AUTS2: variants seen among roughly 807,000 people sequenced by gnomAD.
AUTS2 encodes autism susceptibility gene 2 protein.
In AUTS2, 17 loss-of-function variants were observed where a neutral mutation model predicts 112.4. The ratio of observed to expected loss-of-function variants is 0.15; its 90% confidence interval spans 0.10 to 0.23. The LOEUF is 0.23. Ranked by LOEUF, AUTS2 falls within the 10% of genes least tolerant of loss-of-function variation. AUTS2 has a pLI of 1.00. For synonymous variants in AUTS2, 751 were observed against 702.7 expected (o/e 1.07, Z -1.09); for missense variants, 1,510 against 1,701.6 (o/e 0.89, Z 1.98).
intron 1 of AUTS2, among the ~76,000 whole-genome samples, chr7:69,687,232 T>G (rs1584071823): frequency 6.6e-6 from 1 of 152,192 alleles, no homozygotes; most frequent in Non-Finnish European, 1.5e-5. Flanking sequence ...AAAATTAAAG[T>G]AAGTAATTTA....
chr7:70,040,992 A>C (rs1420900093), intron 2 of AUTS2, among the ~76,000 whole-genome samples: 1 of 152,216 alleles, frequency 6.6e-6, no homozygotes. Flanking sequence ...TCTTTAACAC[A>C]TCCATTTTCT....
At chr7:69,675,375 C>G (rs1323874772) in intron 1 of AUTS2, among the ~76,000 whole-genome samples, 3 of 152,040 alleles carry the variant, frequency 2.0e-5, no homozygotes, top group Non-Finnish European at 4.4e-5. Flanking sequence ...GTCTCCAGGA[C>G]TAGTGAAACT....
At position 70,239,313 on chromosome 7, in the gene AUTS2, A is replaced by G. The variant is rs549307991; in HGVS notation, c.660+104742A>G. ...GGCCCATCATATGTCTTTTGAGAAG[A>G]TGATTTTTCAGTTCTTTTCTTTAGT... is the stretch of plus-strand genomic sequence containing the variant. On this transcript the variant is annotated intron_variant, in intron 4 of 18. Coordinates refer to ENST00000342771, the MANE Select transcript of AUTS2 (RefSeq NM_015570.4). Among the ~76,000 whole-genome samples, 6 of 152,284 alleles carry G rather than the reference A, an allele frequency of 3.9e-5. 1 individual carries two copies. The South Asian group carries it at 1.2e-3, about 32-fold the overall frequency.
rs56820595 is a variant in AUTS2 at position 70,435,646 on chromosome 7, T to C, written c.661-106T>C. 282 of 1,110,720 alleles carry C rather than the reference T, an allele frequency of 2.5e-4. No individual in the cohort carries two copies. In the African/African-American group the frequency reaches 4.1e-3, roughly 16 times the overall value. 68.8% of individuals were successfully genotyped at this position (1,110,720 alleles called of 1,614,324 possible). On this transcript the variant is annotated intron_variant, in intron 4 of 18. Transcript: ENST00000342771. The stretch of plus-strand genomic sequence containing the variant: ...GGAAGACAGCATTTTTTATTTCCTT[T>C]ACTTATCTTGCACTTTTTTTGTATG...
At chr7:69,928,130 C>G (rs571033705) in intron 2 of AUTS2, among the ~76,000 whole-genome samples, 2 of 152,258 alleles carry the variant, frequency 1.3e-5, no homozygotes, top group East Asian at 3.9e-4. Context: ...GTGAGTAGCT[C>G]CTATCTGCAG....
At chr7:69,949,076 G>C (rs1263398266) in intron 2 of AUTS2, among the ~76,000 whole-genome samples, 1 of 152,052 alleles carries the variant, frequency 6.6e-6, no homozygotes, top group Non-Finnish European at 1.5e-5. Flanking sequence ...CAAAATGCTA[G>C]AATTACAGAC....
chr7:69,917,289 C>CTTTTTTTTTT (rs11313164), intron 2 of AUTS2, among the ~76,000 whole-genome samples: 3 of 133,298 alleles, frequency 2.3e-5, no homozygotes, highest in Non-Finnish European at 1.6e-5. Flanking sequence ...CTTTTTTTTT[C>CTTTTTTTTTT]TTTTTTTTTT....
At chr7:70,057,768 T>A (rs952748538) in intron 2 of AUTS2, among the ~76,000 whole-genome samples, 1 of 152,194 alleles carries the variant, frequency 6.6e-6, no homozygotes, top group African/African-American at 2.4e-5. Context: ...AATGCCATGT[T>A]ATAAAATGCC....
In AUTS2 at chr7:69,917,289, C is replaced by CT. The variant is rs11313164; in HGVS notation, c.522+17806dup. On this transcript the variant is annotated intron_variant, in intron 2 of 18. Transcript: ENST00000342771. Reference sequence around the variant, plus strand: ...CTTTCAGAGCATTCCCTTTTTTTTTCTTTTTTTTTTTTTTTGGTGCTTCCT... The same window carrying CT: ...CTTTCAGAGCATTCCCTTTTTTTTTCTTTTTTTTTTTTTTTTGGTGCTTCCT... 3.6e-3 allele frequency among the ~76,000 whole-genome samples: 479 copies of CT among 133,260 alleles called. 2 individuals are homozygous for CT. Among genetic ancestry groups the CT allele is most frequent in the East Asian group, 0.015 (71 of 4,610 alleles). The allele number at this position is 133,260 out of a possible 152,430, so 87.4% of individuals were successfully genotyped here.
intron 2 of AUTS2, among the ~76,000 whole-genome samples, chr7:70,061,238 AAGTGAAATCATGTCTGTGAAGTCCCT>A (rs1196714594): frequency 6.6e-6 from 1 of 152,180 alleles, no homozygotes; most frequent in African/African-American, 2.4e-5. Flanking sequence ...GTGTGATGCA[AAGTGAAATCATGTCTGTGAAGTCCCT>A]AGTAGCCTGC....
intron 4 of AUTS2, among the ~76,000 whole-genome samples, chr7:70,284,163 G>A (rs369749972): frequency 4.5e-4 from 69 of 152,232 alleles, no homozygotes; most frequent in African/African-American, 1.6e-3. Flanking sequence ...AAATTATGGC[G>A]ATTTTTCCAC....
intron 2 of AUTS2, among the ~76,000 whole-genome samples, chr7:70,002,384 A>G (rs1799238732): frequency 6.6e-6 from 1 of 152,106 alleles, no homozygotes; most frequent in South Asian, 2.1e-4. Context: ...CACTCTAGAG[A>G]TGACTTTCTA....
At position 70,247,696 on chromosome 7, in the gene AUTS2, A is replaced by T. The variant is rs538200538; in HGVS notation, c.660+113125A>T. Among the ~76,000 whole-genome samples the T allele has an allele frequency of 2.0e-5, 3 of 152,244 alleles. No homozygotes were observed. In the East Asian group the frequency reaches 5.8e-4, roughly 29 times the overall value. On this transcript the variant is annotated intron_variant, in intron 4 of 18. Coordinates refer to ENST00000342771, the MANE Select transcript of AUTS2 (RefSeq NM_015570.4). ...TTTCTGTATATGCAGTAATGTCATA[A>T]TGAGCATTTTGTTTCATCTTTTCCA...
At chr7:70,034,534 T>A (rs1162850141) in intron 2 of AUTS2, among the ~76,000 whole-genome samples, 1 of 152,244 alleles carries the variant, frequency 6.6e-6, no homozygotes, top group Non-Finnish European at 1.5e-5. Flanking sequence ...AACATTATGA[T>A]TGCAATAAGA....
At chr7:70,060,143 T>C (rs181806769) in intron 2 of AUTS2, among the ~76,000 whole-genome samples, 1 of 152,328 alleles carries the variant, frequency 6.6e-6, no homozygotes, top group East Asian at 1.9e-4. Context: ...TTAGGGACCA[T>C]AGGTTTTAAT....
At chr7:70,213,103 C>G (rs961971545) in intron 4 of AUTS2, among the ~76,000 whole-genome samples, 15 of 151,832 alleles carry the variant, frequency 9.9e-5, no homozygotes, top group Non-Finnish European at 2.9e-5. Flanking sequence ...TTTGATCTTC[C>G]CACATTATAT....
At chr7:70,259,417 T>C (rs1787051273) in intron 4 of AUTS2, among the ~76,000 whole-genome samples, 1 of 152,156 alleles carries the variant, frequency 6.6e-6, no homozygotes, top group South Asian at 2.1e-4. Flanking sequence ...GGAGTGCAGC[T>C]AAACTGACAA....
At chr7:69,915,318 T>A (rs567159269) in intron 2 of AUTS2, among the ~76,000 whole-genome samples, 1 of 152,342 alleles carries the variant, frequency 6.6e-6, no homozygotes, top group African/African-American at 2.4e-5. Context: ...CATCGGCAAA[T>A]GTTGGAAATA....
intron 1 of AUTS2, among the ~76,000 whole-genome samples, chr7:69,880,193 C>T (rs1217164821): frequency 6.6e-6 from 1 of 152,084 alleles, no homozygotes; most frequent in East Asian, 1.9e-4. Context: ...GTGCCACACA[C>T]TTTTAAACAA....
Sources: gnomAD v4.1 joint callset for allele counts (sites outside exome capture counted in the v4.1 genomes callset) on GRCh38, gnomAD v4.1.1 for gene constraint, MANE v1.5 for transcripts, NCBI Gene and HGNC (gene_info 2026-07-23, HGNC 2026-07-21) for gene names.